The following FAT3 variants were observed in gnomAD, a reference collection of about 807,000 sequenced individuals.
FAT3 encodes FAT atypical cadherin 3, also known as protocadherin Fat 3.
FAT3 carries 95 observed loss-of-function variants against 310.2 expected under a neutral mutation model. The ratio of observed to expected loss-of-function variants is 0.31; its 90% CI spans 0.26 to 0.36. The LOEUF is 0.36. Ranked by LOEUF, FAT3 falls within the 10% of genes least tolerant of loss-of-function variation. The pLI, the probability that FAT3 is intolerant of heterozygous loss-of-function variation, is 1.00. For missense variants in FAT3, 5,408 were observed against 5,715.6 expected, an observed-to-expected ratio of 0.95 and a Z score of 1.74; for synonymous variants, 2,314 against 2,192.9, an observed-to-expected ratio of 1.06 and a Z score of -1.54.
intron 4 of FAT3, among the ~76,000 whole-genome samples, chr11:92,761,594 TGAGTTCTGTCAG>T (rs1946152799): frequency 6.6e-6 from 1 of 152,162 alleles, no homozygotes. Context: ...TATAGGGACA[TGAGTTCTGTCAG>T]ATCAGGACTC....
chr11:92,482,791 G>A (rs909974005), intron 2 of FAT3, among the ~76,000 whole-genome samples: 5 of 152,036 alleles, frequency 3.3e-5, no homozygotes, highest in African/African-American at 9.7e-5. Flanking sequence ...ATTCGCCTCC[G>A]TTCCTGACAC....
At chr11:92,681,660 T>C (rs1312996090) in intron 3 of FAT3, among the ~76,000 whole-genome samples, 6 of 152,266 alleles carry the variant, frequency 3.9e-5, no homozygotes, top group South Asian at 2.1e-4. Context: ...GAAATCTAAA[T>C]GGTGAAGGTG....
At chr11:92,617,255 C>T (rs1940856047) in intron 3 of FAT3, among the ~76,000 whole-genome samples, 1 of 152,158 alleles carries the variant, frequency 6.6e-6, no homozygotes, top group Non-Finnish European at 1.5e-5. Flanking sequence ...ACCCTTTCTT[C>T]CACTTGATCA....
rs1949264585 is a variant in FAT3, at chr11:92,866,988, G to A, written c.11906G>A (p.Ser3969Asn). Residue 3969 changes from serine (S) to asparagine (N), a missense_variant, in exon 22 of 28, where the codon AGC becomes AAC. Around this residue, in one of 5 missense-constraint regions of FAT3, gnomAD observed 4,588 missense variants for 4,809.8 expected, o/e 0.95. Coordinates refer to ENST00000525166, the MANE Select transcript of FAT3 (RefSeq NM_001367949.2). ...CTGGTGCAAGCGGATAACATCCGCA[G>A]CCTGACTGACACGCGGGTCACGCAG... is the stretch of plus-strand genomic sequence containing the variant. ...GALVQADNIR[S>N]LTDTRVTQVL... 1 of 1,610,888 alleles carries A rather than the reference G, an allele frequency of 6.2e-7. No individual in the cohort carries two copies. The highest frequency in any genetic ancestry group is 8.5e-7 in the Non-Finnish European group (1 of 1,178,736).
Position 92,890,542 on chromosome 11 carries a change from T to A in FAT3, c.13199T>A (p.Ile4400Lys). The A allele has an allele frequency of 2.5e-6, 4 of 1,613,794 alleles. No individual in the cohort carries two copies. Among genetic ancestry groups the A allele is most frequent in the Non-Finnish European group, 2.5e-6 (3 of 1,179,852 alleles). The stretch of plus-strand genomic sequence containing the variant: ...ATGCCAGGGGCCCGCCTGTCGGACA[T>A]AGAGGAAGTGCCCAACTATGAGAAC... ...DWMPGARLSD[I>K]EEVPNYENQD... The change falls in exon 28 of 28, where the codon ATA becomes AAA. Residue 4400 changes from isoleucine to lysine, a missense_variant. Around this residue, in one of 5 missense-constraint regions of FAT3, gnomAD observed 649 missense variants for 666.2 expected, o/e 0.97. Transcript: ENST00000525166.
rs767587808 is a variant in FAT3, at chr11:92,882,762, C to T, written c.12306C>T (p.Cys4102=). The T allele has an allele frequency of 1.9e-6, 3 of 1,608,236 alleles. No individual in the cohort carries two copies. The highest frequency in any genetic ancestry group is 4.5e-5 in the East Asian group (2 of 44,754). Residue 4102 remains cysteine, a synonymous_variant, in exon 24 of 28, where the codon TGC becomes TGT. Coordinates refer to ENST00000525166, the MANE Select transcript of FAT3 (RefSeq NM_001367949.2). ...GGTGTGAGGAGGACATCAATGAGTG[C>T]GAACGAGAGGAGTGTGAGAACGGAG... is the stretch of plus-strand genomic sequence containing the variant. ...GVTCEEDINE[C]EREECENGGS... is the part of the protein sequence containing the mutation.
At chr11:92,657,538 G>T (rs1414285176) in intron 3 of FAT3, among the ~76,000 whole-genome samples, 1 of 152,188 alleles carries the variant, frequency 6.6e-6, no homozygotes, top group Non-Finnish European at 1.5e-5. Context: ...TGTGAAAGGA[G>T]ACATCTTTAC....
intron 3 of FAT3, among the ~76,000 whole-genome samples, chr11:92,564,032 A>G (rs1955338728): frequency 6.6e-6 from 1 of 152,158 alleles, no homozygotes; most frequent in Non-Finnish European, 1.5e-5. Flanking sequence ...ATTCACACAT[A>G]ACAATATTAA....
chr11:92,368,833 C>CATATATATATATATATACATAT (rs778237959), intron 2 of FAT3, among the ~76,000 whole-genome samples: 16 of 140,988 alleles, frequency 1.1e-4, no homozygotes, highest in African/African-American at 4.6e-4. Flanking sequence ...TGTGTGTATA[C>CATATATATATATATATACATAT]ATATATATAT....
At chr11:92,377,615 A>G (rs1949381357) in intron 2 of FAT3, among the ~76,000 whole-genome samples, 1 of 152,210 alleles carries the variant, frequency 6.6e-6, no homozygotes, top group African/African-American at 2.4e-5. Context: ...TCAATTGGCA[A>G]TACTTTCTCT....
At chr11:92,272,718 A>G (rs1463348929) in intron 1 of FAT3, among the ~76,000 whole-genome samples, 2 of 152,064 alleles carry the variant, frequency 1.3e-5, no homozygotes, top group Non-Finnish European at 2.9e-5. Flanking sequence ...TGTGCCCCAA[A>G]TGACTGAAAT....
chr11:92,615,541 C>T (rs568413343), intron 3 of FAT3, among the ~76,000 whole-genome samples: 4 of 152,336 alleles, frequency 2.6e-5, no homozygotes, highest in Non-Finnish European at 5.9e-5. Context: ...GCCACCGCGC[C>T]TGACCTAGTT....
intron 2 of FAT3, among the ~76,000 whole-genome samples, chr11:92,431,979 C>T (rs1350397592): frequency 3.9e-5 from 6 of 152,082 alleles, no homozygotes; most frequent in South Asian, 2.1e-4. Context: ...CTTGGCAATG[C>T]GGGCTCTTTT....
intron 2 of FAT3, among the ~76,000 whole-genome samples, chr11:92,475,558 T>C (rs546023321): frequency 1.3e-5 from 2 of 151,970 alleles, no homozygotes; most frequent in African/African-American, 4.8e-5. Flanking sequence ...CTCTTATGTA[T>C]GGAAGGCTTC....
At chr11:92,729,593 A>AT (rs1448192675) in intron 4 of FAT3, among the ~76,000 whole-genome samples, 2 of 151,728 alleles carry the variant, frequency 1.3e-5, no homozygotes, top group Non-Finnish European at 2.9e-5. Flanking sequence ...TGCCTGGCTA[A>AT]TTTTTTGTAT....
chr11:92,530,487 C>T (rs1387770430), intron 3 of FAT3, among the ~76,000 whole-genome samples: 2 of 152,022 alleles, frequency 1.3e-5, no homozygotes, highest in Non-Finnish European at 2.9e-5. Flanking sequence ...ACTCCCATAT[C>T]CTTACTTATA....
At position 92,662,451 on chromosome 11, in the gene FAT3, A is replaced by T. The variant is rs991171170; in HGVS notation, c.3608-34933A>T. ...GTTAAAATGGCTCAGAGGTTGAGCC[A>T]TGTTGTTTTCCTGGAAGATATTAAA... On this transcript the variant is annotated intron_variant, in intron 3 of 27. Transcript: ENST00000525166. Among the ~76,000 whole-genome samples the T allele has an allele frequency of 5.3e-5, 8 of 152,214 alleles. No homozygotes were observed. In the East Asian group the frequency reaches 1.5e-3, roughly 29 times the overall value.
chr11:92,555,250 T>C (rs2135452096), intron 3 of FAT3, among the ~76,000 whole-genome samples: 1 of 152,350 alleles, frequency 6.6e-6, no homozygotes, highest in East Asian at 1.9e-4. Context: ...TACAATAATG[T>C]AATAGGGATT....
intron 1 of FAT3, among the ~76,000 whole-genome samples, chr11:92,257,247 T>C (rs1865354027): frequency 6.6e-6 from 1 of 152,098 alleles, no homozygotes; most frequent in Non-Finnish European, 1.5e-5. Flanking sequence ...GATTGTCTTG[T>C]CTCCTTGCAA....
Sources: allele counts gnomAD v4.1 joint callset (sites outside exome capture counted in the v4.1 genomes callset), GRCh38; gene constraint gnomAD v4.1.1; regional missense constraint gnomAD v4.1.1; transcripts MANE v1.5; gene names NCBI Gene and HGNC (gene_info 2026-07-23, HGNC 2026-07-21).